The following RPS6KC1 variants were observed in gnomAD, a reference collection of about 807,000 sequenced individuals.
The protein encoded by RPS6KC1 is ribosomal protein S6 kinase C1.
In RPS6KC1, 54 loss-of-function variants were observed where a neutral mutation model predicts 103.8. The ratio of observed to expected loss-of-function variants is 0.52; its 90% confidence interval spans 0.42 to 0.65. The LOEUF (loss-of-function observed/expected upper bound fraction) is 0.65, where lower values mean the gene tolerates loss of function less well. RPS6KC1 is among the 30% of genes least tolerant of loss of function. The pLI is 0.00. For missense variants in RPS6KC1, 1,151 were observed against 1,253.8 expected (o/e 0.92, Z 1.24); for synonymous variants, 439 against 438.7 (o/e 1.00, Z -0.01).
At chr1:213,643,705 GT>G in the RPS6KC1 span, among the ~76,000 whole-genome samples, 1 of 151,734 alleles carries the variant, frequency 6.6e-6, no homozygotes, top group African/African-American at 2.4e-5. Flanking sequence ...AAAGGTCTTT[GT>G]TTTATTCTAA....
the RPS6KC1 span, among the ~76,000 whole-genome samples, chr1:213,537,442 A>T: frequency 6.6e-6 from 1 of 152,274 alleles, no homozygotes; most frequent in East Asian, 1.9e-4. Flanking sequence ...TGTGTTGGCC[A>T]ATTCTCTGAG....
At chr1:213,640,557 C>G in the RPS6KC1 span, among the ~76,000 whole-genome samples, 1 of 151,706 alleles carries the variant, frequency 6.6e-6, no homozygotes, top group East Asian at 1.9e-4. Context: ...ATACATTTCC[C>G]TCTAAACACG....
the RPS6KC1 span, among the ~76,000 whole-genome samples, chr1:213,438,788 G>A: frequency 7.1e-6 from 1 of 141,504 alleles, no homozygotes; most frequent in Non-Finnish European, 1.6e-5. Context: ...TGGAATCTTG[G>A]TTTCTTTTTT....
the RPS6KC1 span, among the ~76,000 whole-genome samples, chr1:213,829,374 CTG>C: frequency 6.6e-6 from 1 of 151,014 alleles, no homozygotes; most frequent in African/African-American, 2.4e-5. Context: ...ATATTGATGA[CTG>C]TGGAATTGTC....
the RPS6KC1 span, among the ~76,000 whole-genome samples, chr1:213,527,557 T>A: frequency 6.6e-6 from 1 of 152,208 alleles, no homozygotes; most frequent in African/African-American, 2.4e-5. Context: ...GAAGCTTATA[T>A]GCTATTGGAG....
At chr1:213,385,167 C>A in the RPS6KC1 span, among the ~76,000 whole-genome samples, 2 of 152,156 alleles carry the variant, frequency 1.3e-5, no homozygotes, top group Non-Finnish European at 2.9e-5. Context: ...TGATGATAAG[C>A]GACTGAACAT....
the RPS6KC1 span, among the ~76,000 whole-genome samples, chr1:213,685,844 A>G: frequency 6.6e-6 from 1 of 152,218 alleles, no homozygotes; most frequent in African/African-American, 2.4e-5. Context: ...TAATTTTTAA[A>G]TTCAGCTTTT....
chr1:213,355,302 G>T, the RPS6KC1 span, among the ~76,000 whole-genome samples: 4 of 152,114 alleles, frequency 2.6e-5, no homozygotes, highest in Non-Finnish European at 4.4e-5. Flanking sequence ...GGTGGAAGAA[G>T]GCTGGCGGGA....
the RPS6KC1 span, among the ~76,000 whole-genome samples, chr1:213,412,051 C>T: frequency 6.6e-6 from 1 of 152,192 alleles, no homozygotes. Flanking sequence ...ATAGCAGGCA[C>T]AGAATGGCTG....
At chr1:213,407,042 TG>T in the RPS6KC1 span, among the ~76,000 whole-genome samples, 1 of 152,074 alleles carries the variant, frequency 6.6e-6, no homozygotes, top group South Asian at 2.1e-4. Context: ...GGCCCAGGTG[TG>T]GGAGAAAGGA....
At chr1:213,545,930 C>A in the RPS6KC1 span, among the ~76,000 whole-genome samples, 1 of 152,082 alleles carries the variant, frequency 6.6e-6, no homozygotes, top group Non-Finnish European at 1.5e-5. Flanking sequence ...GTGCTTGATC[C>A]CAGTGAACCC....
the RPS6KC1 span, among the ~76,000 whole-genome samples, chr1:213,697,562 CTACTTGAGA>C: frequency 6.6e-6 from 1 of 152,230 alleles, no homozygotes; most frequent in Non-Finnish European, 1.5e-5. Context: ...CCTTCTCCAG[CTACTTGAGA>C]AGTCAAACAC....
the RPS6KC1 span, among the ~76,000 whole-genome samples, chr1:213,738,943 A>G: frequency 2.0e-5 from 3 of 150,752 alleles, no homozygotes; most frequent in Non-Finnish European, 4.4e-5. Flanking sequence ...TTTTTTTTAA[A>G]TGGAAGAATT....
chr1:213,729,246 T>C, the RPS6KC1 span, among the ~76,000 whole-genome samples: 8 of 152,054 alleles, frequency 5.3e-5, no homozygotes, highest in Admixed American at 2.6e-4. Flanking sequence ...ACCTCTTATC[T>C]CTTCTGTCAT....
At chr1:213,764,210 G>A in the RPS6KC1 span, among the ~76,000 whole-genome samples, 2 of 152,210 alleles carry the variant, frequency 1.3e-5, no homozygotes, top group Non-Finnish European at 2.9e-5. Flanking sequence ...AGAGAGAGAA[G>A]CTATTTCTCC....
chr1:213,472,622 C>T, the RPS6KC1 span, among the ~76,000 whole-genome samples: 1 of 152,182 alleles, frequency 6.6e-6, no homozygotes, highest in African/African-American at 2.4e-5. Context: ...CTACTATGCT[C>T]AGCAGCTGGA....
the RPS6KC1 span, among the ~76,000 whole-genome samples, chr1:213,767,501 A>G: frequency 6.6e-6 from 1 of 152,146 alleles, no homozygotes; most frequent in African/African-American, 2.4e-5. Flanking sequence ...CTCAGTCTTC[A>G]TGAAGACTCC....
the RPS6KC1 span, among the ~76,000 whole-genome samples, chr1:213,448,907 G>A: frequency 6.6e-6 from 1 of 152,162 alleles, no homozygotes; most frequent in South Asian, 2.1e-4. Flanking sequence ...GACCCCCAGG[G>A]TTCATTGCTG....
the RPS6KC1 span, among the ~76,000 whole-genome samples, chr1:213,484,141 A>C: frequency 9.6e-3 from 1,452 of 151,946 alleles, 35 homozygotes; most frequent in African/African-American, 0.033. Flanking sequence ...AAGACAACCC[A>C]TGATATAATT....
Sources: gnomAD v4.1 joint callset for allele counts (sites outside exome capture counted in the v4.1 genomes callset) on GRCh38, gnomAD v4.1.1 for gene constraint, MANE v1.5 for transcripts, NCBI Gene and HGNC (gene_info 2026-07-23, HGNC 2026-07-21) for gene names.